Variants in NUDT1 observed in about 807,000 individuals in gnomAD.
The protein encoded by NUDT1 is nudix hydrolase 1.
A neutral mutation model predicts 11.3 loss-of-function variants in NUDT1; 16 were observed. The ratio of observed to expected loss-of-function variants is 1.41; its 90% CI spans 0.96 to 2.15. NUDT1 has a LOEUF of 2.15. NUDT1 is among the 30% of genes most tolerant of loss of function. The pLI is 0.00. For missense variants in NUDT1, 234 were observed against 208.4 expected (o/e 1.12, Z -0.76); for synonymous variants, 101 against 84.4 (o/e 1.20, Z -1.08).
In NUDT1 at chr7:2,250,934, G is replaced by A. The variant is rs1475168872; in HGVS notation, c.404G>A (p.Gly135Glu). ...CTGCTTCAGAAGAAGAAATTCCACG[G>A]GTACTTCAAGTTCCAGGGTCAGGAC... is the stretch of plus-strand genomic sequence containing the variant. ...PLLLQKKKFH[G>E]YFKFQGQDTI... Residue 135 changes from glycine to glutamate, a missense_variant, in exon 4 of 4, where the codon GGG becomes GAG. Physicochemically the swap from Gly to Glu is moderately conservative, Grantham distance 98 (BLOSUM62 -2). Transcript: ENST00000356714. 17 of 1,613,790 alleles carry A rather than the reference G, an allele frequency of 1.1e-5. No individual in the cohort carries two copies. The Admixed American group carries it at 2.7e-4, about 25-fold the overall frequency.
chr7:2,245,039 A>G (rs1057047549), intron 2 of NUDT1, among the ~76,000 whole-genome samples: 1 of 152,168 alleles, frequency 6.6e-6, no homozygotes, highest in Non-Finnish European at 1.5e-5. Context: ...GCCTCTGTGC[A>G]GCAGCTTGAA....
intron 2 of NUDT1, among the ~76,000 whole-genome samples, chr7:2,245,374 G>GA (rs907886571): frequency 6.6e-6 from 1 of 152,160 alleles, no homozygotes; most frequent in Non-Finnish European, 1.5e-5. Flanking sequence ...CTGGAGAGGA[G>GA]AACTACAGAG....
chr7:2,251,080 T>A lies in NUDT1; in HGVS notation c.*79T>A. 1 of 1,432,632 alleles carries A rather than the reference T, an allele frequency of 7.0e-7. No individual in the cohort carries two copies. Among genetic ancestry groups the A allele is most frequent in the Non-Finnish European group, 9.8e-7 (1 of 1,024,612 alleles). The allele number at this position is 1,432,632 out of a possible 1,614,324, so 88.7% of individuals were successfully genotyped here. A position where few individuals can be genotyped will look rare whatever the true frequency, so the allele number is the denominator to read the frequency against. On this transcript the variant is annotated 3_prime_UTR_variant, in exon 4 of 4. Coordinates refer to ENST00000356714, the MANE Select transcript of NUDT1 (RefSeq NM_002452.4). ...ACCATCTTCACCTGGGGGCATTGAGTGGCGCAGAGCCGGGTTTCATCTGGA... is the reference window on the plus strand; with the variant it reads ...ACCATCTTCACCTGGGGGCATTGAGAGGCGCAGAGCCGGGTTTCATCTGGA...
Position 2,244,569 on chromosome 7 carries a change from G to C in NUDT1, c.-6G>C, listed in dbSNP as rs770176058. 1.9e-6 allele frequency: 3 copies of C among 1,564,686 alleles called. No homozygotes were observed. Among genetic ancestry groups the C allele is most frequent in the Non-Finnish European group, 2.6e-6 (3 of 1,153,480 alleles). On this transcript the variant is annotated 5_prime_UTR_variant, in exon 2 of 4. Coordinates refer to ENST00000356714, the MANE Select transcript of NUDT1 (RefSeq NM_002452.4). ...CCTCTCACCTTCCTTTCAGAACCCA[G>C]GGACCATGGGCGCCTCCAGGCTCTA...
intron 1 of NUDT1, chr7:2,242,805 AG>A (rs1223442015): frequency 1.6e-6 from 1 of 610,064 alleles, no homozygotes; most frequent in Non-Finnish European, 3.0e-6. Flanking sequence ...CAGCTCCTGA[AG>A]CCCCAGCAGG....
Position 2,244,682 on chromosome 7 carries a change from G to C in NUDT1, c.108G>C (p.Gly36=), listed in dbSNP as rs757129408. Residue 36 remains glycine, a synonymous_variant, in exon 2 of 4, where the codon GGG becomes GGC. Transcript: ENST00000356714. ...GFGAGRWNGF[G]GKVQEGETIE... ...GGGCCGGCCGGTGGAATGGCTTTGG[G>C]GGCAAAGTGCAAGAAGGAGAGACCA... 1.2e-5 allele frequency: 20 copies of C among 1,613,172 alleles called. No homozygotes were observed. The African/African-American group carries it at 2.1e-4, about 17-fold the overall frequency.
At chr7:2,248,098 A>C (rs562882185) in intron 2 of NUDT1, 7 of 152,302 alleles carry the variant, frequency 4.6e-5, no homozygotes, top group Admixed American at 1.3e-4. Context: ...TCACACCTGA[A>C]ATCCCAGCAC....
At chr7:2,250,727 G>A (rs1184409483) in intron 3 of NUDT1, 102 bp from the exon 4 acceptor site, 23 of 1,095,754 alleles carry the variant, frequency 2.1e-5, no homozygotes, top group East Asian at 1.5e-4. Flanking sequence ...CAAAGTGCTG[G>A]GATTACAGGC....
intron 2 of NUDT1, among the ~76,000 whole-genome samples, chr7:2,245,080 G>A (rs572472714): frequency 7.7e-4 from 117 of 152,256 alleles, no homozygotes; most frequent in African/African-American, 2.6e-3. Flanking sequence ...CACTGTTGCC[G>A]AAGGGCTCGT....
Position 2,249,808 on chromosome 7 carries a change from T to C in NUDT1, c.153-49T>C, listed in dbSNP as rs116647277. 263 of 1,605,882 alleles carry C rather than the reference T, an allele frequency of 1.6e-4. 1 individual carries two copies. The African/African-American group carries it at 3.0e-3, about 18-fold the overall frequency. On this transcript the variant is annotated intron_variant, in intron 2 of 3. Coordinates refer to ENST00000356714, the MANE Select transcript of NUDT1 (RefSeq NM_002452.4). The stretch of plus-strand genomic sequence containing the variant: ...CCTCCTCCCTGCCATCGTGTGGGCA[T>C]GGCACCATGCCCTGACGGCCTCCCT...
intron 2 of NUDT1, among the ~76,000 whole-genome samples, chr7:2,245,664 T>A (rs1794740938): frequency 6.6e-6 from 1 of 152,092 alleles, no homozygotes; most frequent in Non-Finnish European, 1.5e-5. Context: ...GCTCAAACGA[T>A]CCTCCTGCCT....
intron 2 of NUDT1, 23 bp downstream of exon 2, chr7:2,244,749 C>T (rs1471464985): frequency 6.3e-7 from 1 of 1,595,880 alleles, no homozygotes; most frequent in South Asian, 1.1e-5. Flanking sequence ...CAGGTCTGGC[C>T]ATAGAACCGG....
chr7:2,250,957 G>A lies in NUDT1; in HGVS notation c.427G>A (p.Asp143Asn), dbSNP rs770220369. The part of the protein sequence containing the change: ...FHGYFKFQGQ[D>N]TILDYTLREV... ...CGGGTACTTCAAGTTCCAGGGTCAG[G>A]ACACCATCCTGGACTACACACTCCG... Residue 143 changes from aspartate (D) to asparagine (N), a missense_variant, in exon 4 of 4, where the codon GAC becomes AAC. Asp to Asn is a conservative substitution (Grantham distance 23). Coordinates refer to ENST00000356714, the MANE Select transcript of NUDT1 (RefSeq NM_002452.4). 6.2e-7 allele frequency: 1 copy of A among 1,613,838 alleles called. No homozygotes were observed. Among genetic ancestry groups the A allele is most frequent in the Non-Finnish European group, 8.5e-7 (1 of 1,179,892 alleles).
At chr7:2,242,462 A>T in intron 1 of NUDT1, 13 of 476,088 alleles carry the variant, frequency 2.7e-5, no homozygotes, top group South Asian at 3.1e-5. Context: ...AGACAAGGAG[A>T]GCGGGGCGGA....
chr7:2,244,425 C>T (rs1008545642), intron 1 of NUDT1, 138 bp from the exon 2 acceptor site: 19 of 818,922 alleles, frequency 2.3e-5, no homozygotes, highest in East Asian at 1.1e-4. Context: ...GGAAGCCACA[C>T]GTGGCAGGGC....
In NUDT1 at chr7:2,250,928, T is replaced by C; in HGVS notation, c.398T>C (p.Phe133Ser). Residue 133 changes from phenylalanine to serine, a missense_variant, in exon 4 of 4, where the codon TTC becomes TCC. Coordinates refer to ENST00000356714, the MANE Select transcript of NUDT1 (RefSeq NM_002452.4). The stretch of plus-strand genomic sequence containing the variant: ...CCACTCCTGCTTCAGAAGAAGAAAT[T>C]CCACGGGTACTTCAAGTTCCAGGGT... ...WFPLLLQKKK[F>S]HGYFKFQGQD... 6.2e-7 allele frequency: 1 copy of C among 1,614,002 alleles called. No homozygotes were observed. Among genetic ancestry groups the C allele is most frequent in the Admixed American group, 1.7e-5 (1 of 59,990 alleles).
At position 2,250,887 on chromosome 7, in the gene NUDT1, C is replaced by T. The variant is rs1799832; in HGVS notation, c.357C>T (p.Asp119=). The change falls in exon 4 of 4, where the codon GAC becomes GAT. Residue 119 remains aspartate (D), a synonymous_variant. Coordinates refer to ENST00000356714, the MANE Select transcript of NUDT1 (RefSeq NM_002452.4). ...TCCCCTTCAAGGACATGTGGCCCGA[C>T]GACAGCTACTGGTTTCCACTCCTGC... ...DQIPFKDMWP[D]DSYWFPLLLQ... is the part of the protein sequence containing the mutation. 0.18 allele frequency: 291,457 copies of T among 1,613,992 alleles called. 27,388 individuals carry two copies. Among genetic ancestry groups the T allele is most frequent in the Middle Eastern group, 0.28 (1,687 of 6,062 alleles).
chr7:2,243,517 A>C (rs1273543746), intron 1 of NUDT1, among the ~76,000 whole-genome samples: 2 of 152,200 alleles, frequency 1.3e-5, no homozygotes, highest in African/African-American at 4.8e-5. Flanking sequence ...TCACGCCTGT[A>C]ATCTCAGCAC....
intron 1 of NUDT1, among the ~76,000 whole-genome samples, chr7:2,243,891 A>G (rs1013071475): frequency 2.0e-4 from 31 of 152,330 alleles, no homozygotes; most frequent in African/African-American, 7.5e-4. Context: ...CTGCACACCT[A>G]TGGGAGCAGG....
Sources: allele counts gnomAD v4.1 joint callset (sites outside exome capture counted in the v4.1 genomes callset), GRCh38; gene constraint gnomAD v4.1.1; transcripts MANE v1.5; gene names NCBI Gene and HGNC (gene_info 2026-07-23, HGNC 2026-07-21).